The following PDE8B variants were observed in gnomAD, a reference collection of about 807,000 sequenced individuals.
PDE8B encodes phosphodiesterase 8B, also known as high affinity cAMP-specific and IBMX-insensitive 3',5'-cyclic phosphodiesterase 8B.
Under a neutral mutation model 101.3 loss-of-function variants are expected in PDE8B, and 26 were observed. The observed-to-expected ratio is 0.26, with a 90% CI of 0.19 to 0.36. The LOEUF is 0.36. Among genes scored for constraint, PDE8B ranks in the 10% least tolerant of loss-of-function variants. PDE8B has a pLI of 1.00. For missense variants in PDE8B, 810 were observed against 1,163.1 expected (o/e 0.70, Z 4.42); for synonymous variants, 424 against 429.3 (o/e 0.99, Z 0.15).
intron 21 of PDE8B, chr5:77,426,224 C>T (rs1798103363): frequency 1.6e-6 from 1 of 608,430 alleles, no homozygotes; most frequent in Admixed American, 2.9e-5. Context: ...TTAGTTTACT[C>T]TGAATCACAG....
Position 77,238,182 on chromosome 5 carries a change from G to A in PDE8B, c.339+26918G>A, listed in dbSNP as rs149429387. On this transcript the variant is annotated intron_variant, in intron 1 of 21. Transcript: ENST00000264917. ...CCATTATTTCTTCAAATATTTCTTT[G>A]TCTTCTCTTTCTGAAATTCCATGAC... Among the ~76,000 whole-genome samples, 115 of 152,116 alleles carry A rather than the reference G, an allele frequency of 7.6e-4. 1 individual carries two copies. In the East Asian group the frequency reaches 0.018, roughly 24 times the overall value.
intron 1 of PDE8B, among the ~76,000 whole-genome samples, chr5:77,246,240 C>G (rs1237457480): frequency 6.6e-6 from 1 of 152,084 alleles, no homozygotes; most frequent in Non-Finnish European, 1.5e-5. Context: ...TGCATTCATG[C>G]TATTATTTGA....
upstream of PDE8B, among the ~76,000 whole-genome samples, chr5:77,209,943 G>A (rs2149364353): frequency 6.6e-6 from 1 of 152,300 alleles, no homozygotes; most frequent in South Asian, 2.1e-4. Context: ...GACATGGAAT[G>A]GGCTTCTTCT....
At chr5:77,264,381 A>G (rs1761251535) in intron 1 of PDE8B, among the ~76,000 whole-genome samples, 1 of 152,238 alleles carries the variant, frequency 6.6e-6, no homozygotes. Context: ...ATTCCCATCA[A>G]CAATATATGA....
chr5:77,277,316 A>T (rs1764047320), intron 1 of PDE8B, among the ~76,000 whole-genome samples: 1 of 152,218 alleles, frequency 6.6e-6, no homozygotes, highest in African/African-American at 2.4e-5. Flanking sequence ...GGATTTTAGG[A>T]AACACCTATT....
At chr5:77,169,340 C>T in the PDE8B span, among the ~76,000 whole-genome samples, 4,767 of 152,240 alleles carry the variant, frequency 0.031, 100 homozygotes, top group African/African-American at 0.049. Context: ...AAGCCTAGAA[C>T]GGTGCTTCTC....
intron 1 of PDE8B, among the ~76,000 whole-genome samples, chr5:77,287,664 C>A (rs1766337972): frequency 6.6e-6 from 1 of 152,168 alleles, no homozygotes; most frequent in Non-Finnish European, 1.5e-5. Flanking sequence ...TGTCTCCCTG[C>A]ACCTTAGTCT....
intron 14 of PDE8B, 142 bp downstream of exon 14, chr5:77,409,199 G>A (rs1794071526): frequency 1.1e-5 from 8 of 721,244 alleles, no homozygotes; most frequent in Non-Finnish European, 1.7e-5. Flanking sequence ...AACTGCGTCA[G>A]AATTTATGTA....
intron 1 of PDE8B, among the ~76,000 whole-genome samples, chr5:77,311,612 G>A (rs115356669): frequency 6.6e-4 from 100 of 152,264 alleles, no homozygotes; most frequent in Non-Finnish European, 1.1e-3. Flanking sequence ...AATAATAATG[G>A]CCTCAGCATG....
At chr5:77,146,871 G>C in the PDE8B span, 1 of 355,338 alleles carries the variant, frequency 2.8e-6, no homozygotes. Flanking sequence ...GGCATTCTTT[G>C]GCTGTTTTCT....
At chr5:77,279,812 G>A (rs1487614231) in intron 1 of PDE8B, among the ~76,000 whole-genome samples, 1 of 152,140 alleles carries the variant, frequency 6.6e-6, no homozygotes, top group East Asian at 1.9e-4. Context: ...AACCAACTTT[G>A]GGTTTTCTGG....
chr5:77,424,006 T>C (rs1027621482), intron 20 of PDE8B, among the ~76,000 whole-genome samples: 13 of 152,010 alleles, frequency 8.6e-5, no homozygotes, highest in Non-Finnish European at 1.2e-4. Flanking sequence ...GTTCATGAAA[T>C]CCAGTAAGTA....
At chr5:77,230,605 T>C (rs1421093790) in intron 1 of PDE8B, among the ~76,000 whole-genome samples, 2 of 152,164 alleles carry the variant, frequency 1.3e-5, no homozygotes, top group Non-Finnish European at 2.9e-5. Context: ...TATCTAGGAT[T>C]ACAGGCGCCC....
rs749981523 is a variant in PDE8B, at chr5:77,409,064, G to A, written c.1530+7G>A. On this transcript the variant is annotated splice_region_variant and intron_variant, in intron 14 of 21. Coordinates refer to ENST00000264917, the MANE Select transcript of PDE8B (RefSeq NM_003719.5). ...TGTTGGAGGCCTGATGACTGTGAGT[G>A]ATGAGGCAAAACCTGAAAAGCAAGA... is the stretch of plus-strand genomic sequence containing the variant. 6.2e-6 allele frequency: 10 copies of A among 1,613,046 alleles called. No individual in the cohort carries two copies. The highest frequency in any genetic ancestry group is 2.2e-5 in the East Asian group (1 of 44,880).
chr5:77,402,122 T>C (rs910860395), intron 11 of PDE8B, among the ~76,000 whole-genome samples: 47 of 152,180 alleles, frequency 3.1e-4, no homozygotes, highest in African/African-American at 1.1e-3. Flanking sequence ...TAGGACTGTA[T>C]ATGATTATGA....
intron 17 of PDE8B, 71 bp downstream of exon 17, chr5:77,413,380 C>T (rs1275488755): frequency 1.5e-6 from 2 of 1,365,518 alleles, no homozygotes; most frequent in East Asian, 4.6e-5. Context: ...TTAGTAAATA[C>T]ATTAGGCAAA....
chr5:77,271,392 C>T (rs1270460256), intron 1 of PDE8B, among the ~76,000 whole-genome samples: 1 of 152,146 alleles, frequency 6.6e-6, no homozygotes, highest in Non-Finnish European at 1.5e-5. Context: ...AAGTAGTTCC[C>T]TAGCTTTGTG....
intron 9 of PDE8B, among the ~76,000 whole-genome samples, chr5:77,352,241 G>A (rs1472452553): frequency 6.6e-6 from 1 of 152,196 alleles, no homozygotes. Flanking sequence ...CACAGGCAGT[G>A]CTGAGAACTG....
intron 10 of PDE8B, among the ~76,000 whole-genome samples, chr5:77,384,166 G>A (rs558459501): frequency 1.3e-5 from 2 of 152,270 alleles, no homozygotes; most frequent in South Asian, 4.2e-4. Flanking sequence ...TCCTTGAGCA[G>A]TGGTTTGTAG....
Sources: allele counts gnomAD v4.1 joint callset (sites outside exome capture counted in the v4.1 genomes callset), GRCh38; gene constraint gnomAD v4.1.1; transcripts MANE v1.5; gene names NCBI Gene and HGNC (gene_info 2026-07-23, HGNC 2026-07-21).